Variants in AMOT observed in about 807,000 individuals in gnomAD.
AMOT encodes angiomotin.
In AMOT, 11 loss-of-function variants were observed where a neutral mutation model predicts 67.0. That is an observed-to-expected ratio of 0.16 (90% confidence interval 0.10 to 0.27). The LOEUF is 0.27. AMOT is among the 10% of genes least tolerant of loss of function. AMOT has a pLI of 1.00. For synonymous variants in AMOT, 326 were observed against 321.4 expected (o/e 1.01, Z -0.15); for missense variants, 753 against 852.0 (o/e 0.88, Z 1.45).
At chrX:112,784,782 G>A in intron 10 of AMOT, among the ~76,000 whole-genome samples, 1 of 112,411 alleles carries the variant, frequency 8.9e-6, no homozygotes, top group East Asian at 2.8e-4. Flanking sequence ...TGAAGGTTGG[G>A]GCCTTAGAGC....
intron 8 of AMOT, among the ~76,000 whole-genome samples, chrX:112,796,944 T>C (rs1442520078): frequency 1.8e-5 from 2 of 112,023 alleles, no homozygotes; most frequent in Non-Finnish European, 3.8e-5. Flanking sequence ...ACTAAAGAGT[T>C]ATCCAGCTCC....
At chrX:112,784,210 A>T (rs1933294070) in intron 10 of AMOT, among the ~76,000 whole-genome samples, 1 of 112,042 alleles carries the variant, frequency 8.9e-6, no homozygotes, top group Non-Finnish European at 1.9e-5. Context: ...GTACCCAAGA[A>T]GAAGCAGCAT....
intron 10 of AMOT, among the ~76,000 whole-genome samples, chrX:112,786,745 C>G (rs1164660103): frequency 1.8e-5 from 2 of 112,079 alleles, no homozygotes; most frequent in Non-Finnish European, 3.8e-5. Context: ...GATTTAAATC[C>G]TAGTTCTTCT....
chrX:112,785,406 T>C (rs1028037630), intron 10 of AMOT, among the ~76,000 whole-genome samples: 12 of 111,920 alleles, frequency 1.1e-4, no homozygotes, highest in African/African-American at 3.9e-4. Context: ...GCATCATCGT[T>C]TTGTTTATTT....
chrX:112,791,787 ATTTTCTTAC>A, intron 9 of AMOT, 36 bp downstream of exon 9: 11 of 1,195,950 alleles, frequency 9.2e-6, no homozygotes, highest in Non-Finnish European at 1.1e-5. Context: ...GAATAATGTC[ATTTTCTTAC>A]TTTTTTTTCC....
At chrX:112,831,499 C>G (rs913794286) in intron 2 of AMOT, among the ~76,000 whole-genome samples, 2 of 105,209 alleles carry the variant, frequency 1.9e-5, no homozygotes, top group African/African-American at 6.8e-5. Context: ...AAAAAGAGAG[C>G]CCAGTACTTG....
At position 112,777,742 on chromosome X, in the gene AMOT, T is replaced by A. The variant is rs999462110; in HGVS notation, c.*825A>T. ...CACACAAACCATGGAAGTCTGCATATAGCACCCCATGCAACTCTCCATCAA... is the reference window on the plus strand; with the variant it reads ...CACACAAACCATGGAAGTCTGCATAAAGCACCCCATGCAACTCTCCATCAA... On this transcript the variant is annotated 3_prime_UTR_variant, in exon 14 of 14. Coordinates refer to ENST00000371959, the MANE Select transcript of AMOT (RefSeq NM_001113490.2). 8.9e-6 allele frequency: 1 copy of A among 111,943 alleles called. No homozygotes were observed. Among genetic ancestry groups the A allele is most frequent in the African/African-American group, 3.3e-5 (1 of 30,728 alleles). The allele number at this position is 111,943 out of a possible 1,213,427, so 9.2% of individuals were successfully genotyped here. A position where few individuals can be genotyped will look rare whatever the true frequency, so the allele number is the denominator to read the frequency against.
At chrX:112,786,696 A>C (rs940797483) in intron 10 of AMOT, among the ~76,000 whole-genome samples, 1 of 112,343 alleles carries the variant, frequency 8.9e-6, no homozygotes, top group African/African-American at 3.2e-5. Flanking sequence ...CATTTCTAAG[A>C]AGCAGCAGAA....
At chrX:112,788,250 C>T (rs2147784237) in intron 10 of AMOT, among the ~76,000 whole-genome samples, 1 of 107,690 alleles carries the variant, frequency 9.3e-6, no homozygotes, top group South Asian at 4.2e-4. Context: ...GATAGCACCA[C>T]TGCACTCCAG....
At chrX:112,795,253 T>C (rs867690901) in intron 8 of AMOT, among the ~76,000 whole-genome samples, 1 of 105,029 alleles carries the variant, frequency 9.5e-6, no homozygotes, top group Admixed American at 1.0e-4. Flanking sequence ...TCTCTCTGTG[T>C]GTGTGTGTGT....
chrX:112,822,107 G>A, intron 4 of AMOT, 148 bp downstream of exon 4: 2 of 713,426 alleles, frequency 2.8e-6, no homozygotes, highest in Non-Finnish European at 3.8e-6. Context: ...ATTCGGGTTG[G>A]CAGGCAATTC....
chrX:112,836,823 C>T (rs1935141548), intron 1 of AMOT, among the ~76,000 whole-genome samples: 2 of 106,269 alleles, frequency 1.9e-5, no homozygotes, highest in South Asian at 8.7e-4. Flanking sequence ...ATATTGAGGC[C>T]TAGAAAGAAA....
chrX:112,789,464 G>A (rs1933493665), intron 10 of AMOT, among the ~76,000 whole-genome samples: 1 of 110,258 alleles, frequency 9.1e-6, no homozygotes, highest in South Asian at 3.9e-4. Flanking sequence ...AGGCATAGAT[G>A]ATATCTAATG....
At chrX:112,796,573 T>A (rs1320998024) in intron 8 of AMOT, among the ~76,000 whole-genome samples, 5 of 112,133 alleles carry the variant, frequency 4.5e-5, no homozygotes, top group Non-Finnish European at 9.4e-5. Flanking sequence ...AGTTGTCAAA[T>A]CCTTTCCTTG....
At position 112,786,892 on chromosome X, in the gene AMOT, A is replaced by G. The variant is rs1933378666; in HGVS notation, c.2117+3700T>C. 2.7e-5 allele frequency among the ~76,000 whole-genome samples: 3 copies of G among 111,976 alleles called. No individual in the cohort carries two copies. The Admixed American group carries it at 2.8e-4, about 11-fold the overall frequency. ...TTTTAGATATGCCAAAATATCTTCA[A>G]TTTTCTCTCTCTTTCTCTTTATCTC... On this transcript the variant is annotated intron_variant, in intron 10 of 13. Coordinates refer to ENST00000371959, the MANE Select transcript of AMOT (RefSeq NM_001113490.2).
intron 1 of AMOT, among the ~76,000 whole-genome samples, chrX:112,834,317 T>C (rs1026867725): frequency 2.7e-5 from 3 of 111,843 alleles, no homozygotes; most frequent in East Asian, 5.6e-4. Flanking sequence ...ATCAGTTTTA[T>C]CTGCATTATA....
chrX:112,804,910 C>T (rs1450630253), intron 8 of AMOT, 37 bp downstream of exon 8: 2 of 1,133,648 alleles, frequency 1.8e-6, no homozygotes, highest in Admixed American at 2.2e-5. Context: ...CCAGCCCTCC[C>T]ACCCCCAGGC....
At position 112,780,451 on chromosome X, in the gene AMOT, G is replaced by A. The variant is rs767964764; in HGVS notation, c.2473+435C>T. 8 of 146,526 alleles carry A rather than the reference G, an allele frequency of 5.5e-5. No homozygotes were observed. In the South Asian group the frequency reaches 2.1e-3, roughly 38 times the overall value. 12.1% of individuals were successfully genotyped at this position (146,526 alleles called of 1,213,427 possible). A position where few individuals can be genotyped will look rare whatever the true frequency, so the allele number is the denominator to read the frequency against. On this transcript the variant is annotated intron_variant, in intron 12 of 13. Transcript: ENST00000371959. ...TGGGAACAAAACCTGCTACCCAAAC[G>A]ATTTAGTGTAACTAAAACTCTGGGT...
intron 10 of AMOT, among the ~76,000 whole-genome samples, chrX:112,788,213 C>G (rs376067649): frequency 9.2e-6 from 1 of 108,618 alleles, no homozygotes; most frequent in East Asian, 2.9e-4. Flanking sequence ...GGCATGAACC[C>G]GGGAGGCGGA....
Sources: allele counts gnomAD v4.1 joint callset (sites outside exome capture counted in the v4.1 genomes callset), GRCh38; gene constraint gnomAD v4.1.1; transcripts MANE v1.5; gene names NCBI Gene and HGNC (gene_info 2026-07-23, HGNC 2026-07-21).